Variants in HRC observed in about 807,000 individuals in gnomAD.
HRC encodes sarcoplasmic reticulum histidine-rich calcium-binding protein.
HRC carries 41 observed loss-of-function variants against 61.4 expected under a neutral mutation model. That is an observed-to-expected ratio of 0.67 (90% confidence interval 0.52 to 0.87). HRC has a LOEUF of 0.87. Among genes scored for constraint, HRC ranks in the 40% least tolerant of loss-of-function variants. The probability of loss-of-function intolerance (pLI) is 0.00; values close to 1 mark genes in which losing one functional copy is unlikely to be tolerated. For synonymous variants in HRC, 308 were observed against 326.6 expected (o/e 0.94, Z 0.62); for missense variants, 839 against 885.8 (o/e 0.95, Z 0.67).
chr19:49,154,844 G>C lies in HRC; in HGVS notation c.394C>G (p.Arg132Gly), dbSNP rs771297889. 4 of 1,613,988 alleles carry C rather than the reference G, an allele frequency of 2.5e-6. No individual in the cohort carries two copies. The African/African-American group carries it at 4.0e-5, about 16-fold the overall frequency. ...EVFAEHGGQA[R>G]GHRGHGSEDT... ...TCACTCCCGTGGCCTCTGTGCCCAC[G>C]GGCCTGCCCACCATGCTCTGCAAAG... Residue 132 changes from arginine to glycine, a missense_variant, in exon 1 of 6, where the codon CGT becomes GGT. By Grantham distance (125) the Arg-to-Gly change is moderately radical. Transcript: ENST00000252825.
intron 4 of HRC, 141 bp from the exon 5 acceptor site, chr19:49,151,694 A>T (rs1035290104): frequency 8.0e-5 from 62 of 777,986 alleles, no homozygotes; most frequent in Non-Finnish European, 1.1e-4. Flanking sequence ...CTTCTACCGG[A>T]CCCCTTTTTC....
Position 49,153,193 on chromosome 19 carries a change from A to G in HRC, c.1902+68T>C. ...CCCTTGCTCTGAGCCCTCCCACAGCACCACCCCAGGGCCCCTGGGACAGAT... is the reference window on the plus strand; with the variant it reads ...CCCTTGCTCTGAGCCCTCCCACAGCGCCACCCCAGGGCCCCTGGGACAGAT... On this transcript the variant is annotated intron_variant, in intron 2 of 5. Transcript: ENST00000252825. The surrounding 1 kb of genome is among the most constrained non-coding windows in gnomAD (Gnocchi z 4.8). 1 of 1,243,910 alleles carries G rather than the reference A, an allele frequency of 8.0e-7. No homozygotes were observed. The highest frequency in any genetic ancestry group is 1.2e-5 in the South Asian group (1 of 81,650). The allele number at this position is 1,243,910 out of a possible 1,614,324, so 77.1% of individuals were successfully genotyped here.
chr19:49,151,617 A>G (rs2041360149), intron 4 of HRC, 64 bp from the exon 5 acceptor site: 4 of 1,443,726 alleles, frequency 2.8e-6, no homozygotes, highest in Admixed American at 1.7e-5. Flanking sequence ...GCAGCCACTC[A>G]GTATAGCGTG....
At position 49,154,491 on chromosome 19, in the gene HRC, A is replaced by ATCG. The variant is rs748800585; in HGVS notation, c.746_747insCGA (p.Asp261dup). The ATCG allele has an allele frequency of 1.3e-6, 2 of 1,573,030 alleles. No individual in the cohort carries two copies. Among genetic ancestry groups the ATCG allele is most frequent in the Non-Finnish European group, 8.6e-7 (1 of 1,156,968 alleles). ...CATCATCATCATCATCATCATCATC[A>ATCG]TCATCGTCATCTTCTTCATGGCCTT... On this transcript the variant is annotated inframe_insertion, in exon 1 of 6. Transcript: ENST00000252825.
Position 49,154,632 on chromosome 19 carries a change from T to TTCC in HRC, c.603_605dup (p.Glu204dup), listed in dbSNP as rs57199624. 500,585 of 1,578,846 alleles carry TTCC rather than the reference T, an allele frequency of 0.32. 54,870 individuals are homozygous for TTCC. Among genetic ancestry groups the TTCC allele is most frequent in the Admixed American group, 0.4 (23,291 of 57,922 alleles). On this transcript the variant is annotated inframe_insertion, in exon 1 of 6. Coordinates refer to ENST00000252825, the MANE Select transcript of HRC (RefSeq NM_002152.3). The stretch of plus-strand genomic sequence containing the variant: ...GTCCATACTCAGTGGAGGCCTCCTC[T>TTCC]TCCTCCTCCTCCTCCTCCTCCTCCT...
rs2041387403 is a variant in HRC at position 49,153,945 on chromosome 19, A to G, written c.1293T>C (p.Ser431=). 6.2e-7 allele frequency: 1 copy of G among 1,607,356 alleles called. No individual in the cohort carries two copies. Among genetic ancestry groups the G allele is most frequent in the African/African-American group, 1.4e-5 (1 of 73,460 alleles). ...RVPREEDEEV[S]AELGHQAPSH... is the part of the protein sequence containing the mutation. Reference sequence around the variant, plus strand: ...TGGGGGCCTGGTGGCCAAGCTCAGCAGAGACCTCCTCATCTTCCTCCCTGG... The same window carrying G: ...TGGGGGCCTGGTGGCCAAGCTCAGCGGAGACCTCCTCATCTTCCTCCCTGG... The change falls in exon 1 of 6, where the codon TCT becomes TCC. Residue 431 remains serine, a synonymous_variant. Coordinates refer to ENST00000252825, the MANE Select transcript of HRC (RefSeq NM_002152.3). The surrounding 1 kb of genome is among the most constrained non-coding windows in gnomAD (Gnocchi z 4.8).
rs766928704 is a variant in HRC at position 49,155,226 on chromosome 19, A to G, written c.12T>C (p.His4=). The part of the protein sequence containing the change: MGH[H]RPWLHASVLW... ...GGACAGAAGCGTGCAGCCATGGCCTATGGTGGCCCATGGGGACGGACAGGC... is the reference window on the plus strand; with the variant it reads ...GGACAGAAGCGTGCAGCCATGGCCTGTGGTGGCCCATGGGGACGGACAGGC... Residue 4 remains histidine, a synonymous_variant, in exon 1 of 6, where the codon CAT becomes CAC. Coordinates refer to ENST00000252825, the MANE Select transcript of HRC (RefSeq NM_002152.3). The surrounding 1 kb of genome is among the most constrained non-coding windows in gnomAD (Gnocchi z 4.7). The G allele has an allele frequency of 3.1e-5, 49 of 1,598,616 alleles. No individual in the cohort carries two copies. The highest frequency in any genetic ancestry group is 1.3e-4 in the African/African-American group (10 of 74,518).
chr19:49,151,859 G>A (rs1313545658), intron 4 of HRC, 145 bp downstream of exon 4: 2 of 779,830 alleles, frequency 2.6e-6, no homozygotes, highest in East Asian at 2.7e-5. Context: ...GCCAGGCCCC[G>A]GCCCACGTGC....
Position 49,154,899 on chromosome 19 carries a change from G to T in HRC, c.339C>A (p.Val113=). 6.2e-7 allele frequency: 1 copy of T among 1,614,090 alleles called. No homozygotes were observed. Among genetic ancestry groups the T allele is most frequent in the Non-Finnish European group, 8.5e-7 (1 of 1,180,010 alleles). ...LPGHRSQDHK[V]GDEGVSGEEV... is the part of the protein sequence containing the mutation. ...CCTCACCTGAGACACCCTCATCTCC[G>T]ACTTTGTGGTCTTGGGACCTGTGGC... The change falls in exon 1 of 6, where the codon GTC becomes GTA. Residue 113 remains valine, a synonymous_variant. Transcript: ENST00000252825.
chr19:49,152,718 T>C (rs1265881525), intron 2 of HRC, among the ~76,000 whole-genome samples: 1 of 151,944 alleles, frequency 6.6e-6, no homozygotes, highest in Non-Finnish European at 1.5e-5. Context: ...TACAGGTGCG[T>C]GCCACCACGC....
chr19:49,151,975 G>C (rs1371441479), intron 4 of HRC, 29 bp downstream of exon 4: 5 of 1,611,390 alleles, frequency 3.1e-6, no homozygotes, highest in Non-Finnish European at 4.2e-6. Context: ...ACCTTCCTCA[G>C]GTTTTTCCAG....
chr19:49,153,511 C>CCCTCCT lies in HRC; in HGVS notation c.1721_1726dup (p.Glu574_Glu575dup). On this transcript the variant is annotated inframe_insertion, in exon 1 of 6. Coordinates refer to ENST00000252825, the MANE Select transcript of HRC (RefSeq NM_002152.3). This position sits in a 1 kb window ranked among gnomAD's most constrained non-coding sequence, Gnocchi z 4.8. ...GAAGCGGGGCTCATCTTCCTCCAGC[C>CCCTCCT]CCTCCTCCTCCTCCTCTTCCTCCTC... 1.9e-6 allele frequency: 3 copies of CCCTCCT among 1,581,674 alleles called. No individual in the cohort carries two copies. The highest frequency in any genetic ancestry group is 2.6e-6 in the Non-Finnish European group (3 of 1,163,812).
rs2041392977 is a variant in HRC at position 49,154,307 on chromosome 19, A to T, written c.931T>A (p.Ser311Thr). The change falls in exon 1 of 6, where the codon TCC becomes ACC. Residue 311 changes from serine (S) to threonine (T), a missense_variant. By Grantham distance (58) the Ser-to-Thr change is moderately conservative (BLOSUM62 1). Coordinates refer to ENST00000252825, the MANE Select transcript of HRC (RefSeq NM_002152.3). The stretch of plus-strand genomic sequence containing the variant: ...TGGGCCTGGTGTCCATACTCAGTGG[A>T]GACATCATCATCATCATTGTCATCT... ...EEDDNDDDDVSTEYGHQAHRH... is the reference protein window; with the variant it reads ...EEDDNDDDDVTTEYGHQAHRH... 1.9e-5 allele frequency: 30 copies of T among 1,612,776 alleles called. No homozygotes were observed. Among genetic ancestry groups the T allele is most frequent in the Non-Finnish European group, 2.5e-5 (29 of 1,179,700 alleles).
rs1344050982 is a variant in HRC, at chr19:49,152,336, T to C, written c.1945A>G (p.Met649Val). ...TGGCACTGGTCGCAGTGCTCACCCATGTTCTCCTCATCACAGTGACAGCTC... is the reference window on the plus strand; with the variant it reads ...TGGCACTGGTCGCAGTGCTCACCCACGTTCTCCTCATCACAGTGACAGCTC... ...CESCHCDEEN[M>V]GEHCDQCQHC... is the part of the protein sequence containing the mutation. The change falls in exon 3 of 6, where the codon ATG (methionine) becomes GTG (valine). Residue 649 changes from methionine to valine, a missense_variant. Transcript: ENST00000252825. 2 of 1,613,720 alleles carry C rather than the reference T, an allele frequency of 1.2e-6. No individual in the cohort carries two copies. Among genetic ancestry groups the C allele is most frequent in the African/African-American group, 1.3e-5 (1 of 74,998 alleles).
chr19:49,152,478 T>C (rs2041371146), intron 2 of HRC, 100 bp from the exon 3 acceptor site: 9 of 863,398 alleles, frequency 1.0e-5, no homozygotes, highest in African/African-American at 1.7e-5. Context: ...CCCCAGACTC[T>C]ACCCTCTTTA....
intron 2 of HRC, among the ~76,000 whole-genome samples, chr19:49,152,852 T>A (rs978210772): frequency 6.6e-6 from 1 of 151,488 alleles, no homozygotes; most frequent in Non-Finnish European, 1.5e-5. Flanking sequence ...ATTACAGGCG[T>A]GAGCCACCAC....
intron 3 of HRC, 115 bp from the exon 4 acceptor site, chr19:49,152,173 A>C: frequency 7.8e-7 from 1 of 1,285,574 alleles, no homozygotes. Context: ...GGTTGGAGTC[A>C]GGATCGCTTG....
chr19:49,152,333 C>T lies in HRC; in HGVS notation c.1948G>A (p.Gly650Ser), dbSNP rs1470536364. 1 of 1,613,618 alleles carries T rather than the reference C, an allele frequency of 6.2e-7. No homozygotes were observed. The highest frequency in any genetic ancestry group is 1.3e-5 in the African/African-American group (1 of 74,874). Residue 650 changes from glycine to serine, a missense_variant, in exon 3 of 6, where the codon GGT (glycine) becomes AGT (serine). Coordinates refer to ENST00000252825, the MANE Select transcript of HRC (RefSeq NM_002152.3). Reference protein sequence around the residue: ...ESCHCDEENMGEHCDQCQHCQ... With the variant: ...ESCHCDEENMSEHCDQCQHCQ... The stretch of plus-strand genomic sequence containing the variant: ...ACCTGGCACTGGTCGCAGTGCTCAC[C>T]CATGTTCTCCTCATCACAGTGACAG...
rs148944566 is a variant in HRC at position 49,155,276 on chromosome 19, G to A, written c.-39C>T. 4.0e-4 allele frequency: 625 copies of A among 1,548,618 alleles called. 3 individuals carry two copies. In the African/African-American group the frequency reaches 6.7e-3, roughly 17 times the overall value. ...CAGCACTGGCTCCAGCTGCCTCTGCGGCAATGTGGACAAACGTTGGGGTCT... is the reference window on the plus strand; with the variant it reads ...CAGCACTGGCTCCAGCTGCCTCTGCAGCAATGTGGACAAACGTTGGGGTCT... On this transcript the variant is annotated 5_prime_UTR_variant, in exon 1 of 6. Transcript: ENST00000252825. The surrounding 1 kb of genome is among the most constrained non-coding windows in gnomAD (Gnocchi z 4.7).
Sources: gnomAD v4.1 joint callset for allele counts (sites outside exome capture counted in the v4.1 genomes callset) on GRCh38, gnomAD v4.1.1 for gene constraint, Gnocchi (gnomAD v3.1) non-coding constraint, MANE v1.5 for transcripts, NCBI Gene and HGNC (gene_info 2026-07-23, HGNC 2026-07-21) for gene names.